TMEM178B: variants seen among roughly 807,000 people sequenced by gnomAD.
TMEM178B encodes the protein transmembrane protein 178B.
Under a neutral mutation model 31.0 loss-of-function variants are expected in TMEM178B, and 5 were observed. The observed-to-expected ratio is 0.16, with a 90% CI of 0.08 to 0.34. The LOEUF (loss-of-function observed/expected upper bound fraction) is 0.34, where lower values mean the gene tolerates loss of function less well. Among genes scored for constraint, TMEM178B ranks in the 10% least tolerant of loss-of-function variants. The probability of loss-of-function intolerance (pLI) is 1.00; values close to 1 mark genes in which losing one functional copy is unlikely to be tolerated. For missense variants in TMEM178B, 275 were observed against 400.3 expected (o/e 0.69, Z 2.67); for synonymous variants, 164 against 164.0 (o/e 1.00, Z 0.00).
intron 2 of TMEM178B, among the ~76,000 whole-genome samples, chr7:141,332,029 C>G (rs1799308481): frequency 6.6e-6 from 1 of 152,172 alleles, no homozygotes; most frequent in African/African-American, 2.4e-5. Context: ...CTGTACCCCT[C>G]CAGTGAGTGA....
At chr7:141,246,181 G>T (rs990934861) in intron 2 of TMEM178B, among the ~76,000 whole-genome samples, 1 of 152,198 alleles carries the variant, frequency 6.6e-6, no homozygotes, top group Non-Finnish European at 1.5e-5. Flanking sequence ...CTGAGGACCA[G>T]CAGCAAATGT....
chr7:141,199,454 T>C (rs1199797088), intron 1 of TMEM178B, among the ~76,000 whole-genome samples: 3 of 152,228 alleles, frequency 2.0e-5, no homozygotes, highest in African/African-American at 7.2e-5. Flanking sequence ...CGGCATAATT[T>C]GGGGAAGATC....
intron 2 of TMEM178B, among the ~76,000 whole-genome samples, chr7:141,436,123 A>G (rs1466111554): frequency 1.1e-4 from 16 of 152,114 alleles, no homozygotes; most frequent in Non-Finnish European, 1.5e-5. Flanking sequence ...AAACTGCACC[A>G]TATGTCTTTT....
chr7:141,463,424 C>T (rs529794385), intron 3 of TMEM178B, among the ~76,000 whole-genome samples: 20 of 152,312 alleles, frequency 1.3e-4, no homozygotes, highest in East Asian at 3.9e-4. Context: ...TGGACAAAGC[C>T]GGTGATTTTC....
intron 2 of TMEM178B, among the ~76,000 whole-genome samples, chr7:141,383,266 C>T (rs542503994): frequency 4.0e-5 from 6 of 151,210 alleles, no homozygotes; most frequent in South Asian, 2.1e-4. Context: ...ATGTGCACAA[C>T]GTGCAGGTTT....
chr7:141,510,704 A>G, the TMEM178B span, among the ~76,000 whole-genome samples: 2 of 141,712 alleles, frequency 1.4e-5, no homozygotes, highest in Non-Finnish European at 3.0e-5. Context: ...AAAAAAAAAA[A>G]AAAAAAAAGA....
chr7:141,424,845 A>G (rs568541748), intron 2 of TMEM178B, among the ~76,000 whole-genome samples: 1 of 152,280 alleles, frequency 6.6e-6, no homozygotes, highest in East Asian at 1.9e-4. Flanking sequence ...GTCCTTCAAA[A>G]GAATACTTTT....
intron 2 of TMEM178B, among the ~76,000 whole-genome samples, chr7:141,292,971 C>T (rs1451259664): frequency 6.6e-6 from 1 of 152,052 alleles, no homozygotes; most frequent in African/African-American, 2.4e-5. Flanking sequence ...CTGACTACTG[C>T]TCTGTGGAAG....
intron 1 of TMEM178B, among the ~76,000 whole-genome samples, chr7:141,186,457 G>T (rs867899971): frequency 1.3e-5 from 2 of 152,204 alleles, no homozygotes; most frequent in African/African-American, 4.8e-5. Context: ...TTCCCCATCC[G>T]CTGTCTCTAC....
chr7:141,158,612 C>A (rs1182097040), intron 1 of TMEM178B, among the ~76,000 whole-genome samples: 2 of 152,226 alleles, frequency 1.3e-5, no homozygotes, highest in East Asian at 3.9e-4. Context: ...AAGAACAAGA[C>A]TCCCAGGGAC....
At chr7:141,133,841 G>T (rs1795632931) in intron 1 of TMEM178B, among the ~76,000 whole-genome samples, 1 of 152,138 alleles carries the variant, frequency 6.6e-6, no homozygotes, top group African/African-American at 2.4e-5. Context: ...CAAGAGGAAA[G>T]TATTAAGTTA....
chr7:141,300,178 A>C (rs1004345737), intron 2 of TMEM178B, among the ~76,000 whole-genome samples: 10 of 152,214 alleles, frequency 6.6e-5, no homozygotes, highest in Admixed American at 2.0e-4. Context: ...AGGAGGAGCC[A>C]CGTGGTGGCT....
downstream of TMEM178B, among the ~76,000 whole-genome samples, chr7:141,484,554 TTTTG>T (rs201262311): frequency 0.011 from 1,717 of 152,190 alleles, 27 homozygotes; most frequent in African/African-American, 0.039. This position sits in a 1 kb window ranked among gnomAD's most constrained non-coding sequence, Gnocchi z 4.8. Flanking sequence ...AGGTTTTTGT[TTTTG>T]TTTGTTTGTT....
intron 2 of TMEM178B, among the ~76,000 whole-genome samples, chr7:141,384,530 GTGTGGTATTAT>G (rs1472455716): frequency 2.6e-5 from 4 of 152,252 alleles, no homozygotes; most frequent in Middle Eastern, 3.4e-3. Flanking sequence ...GGTTGTAGAT[GTGTGGTATTAT>G]TTCTGAGAGC....
At chr7:141,403,004 C>A (rs1208830554) in intron 2 of TMEM178B, among the ~76,000 whole-genome samples, 1 of 152,258 alleles carries the variant, frequency 6.6e-6, no homozygotes, top group Non-Finnish European at 1.5e-5. Flanking sequence ...GAAATGGGGA[C>A]ATGGGCATTC....
intron 3 of TMEM178B, among the ~76,000 whole-genome samples, chr7:141,443,758 C>T (rs1479422232): frequency 6.6e-6 from 1 of 152,152 alleles, no homozygotes; most frequent in Non-Finnish European, 1.5e-5. Context: ...TGGAGATGCT[C>T]CTGTAGGATG....
At chr7:141,487,690 G>A in the TMEM178B span, among the ~76,000 whole-genome samples, 5 of 137,842 alleles carry the variant, frequency 3.6e-5, no homozygotes, top group African/African-American at 1.4e-4. Context: ...GCAGTGAGCC[G>A]AGATGGCGCC....
the TMEM178B span, among the ~76,000 whole-genome samples, chr7:141,511,115 A>T: frequency 9.2e-5 from 14 of 151,620 alleles, no homozygotes; most frequent in African/African-American, 2.9e-4. Flanking sequence ...TTTTTAACCC[A>T]CAGGCTTGGG....
At chr7:141,177,574 G>A (rs1284898654) in intron 1 of TMEM178B, among the ~76,000 whole-genome samples, 1 of 151,988 alleles carries the variant, frequency 6.6e-6, no homozygotes, top group African/African-American at 2.4e-5. Context: ...ATTGTGTGGG[G>A]GTCTAAGTTT....
Sources: gnomAD v4.1 joint callset for allele counts (sites outside exome capture counted in the v4.1 genomes callset) on GRCh38, gnomAD v4.1.1 for gene constraint, Gnocchi (gnomAD v3.1) non-coding constraint, MANE v1.5 for transcripts, NCBI Gene and HGNC (gene_info 2026-07-23, HGNC 2026-07-21) for gene names.